The following CAMK1D variants were observed in gnomAD, a reference collection of about 807,000 sequenced individuals.
CAMK1D encodes calcium/calmodulin dependent protein kinase ID.
A neutral mutation model predicts 47.7 loss-of-function variants in CAMK1D; 9 were observed. The ratio of observed to expected loss-of-function variants is 0.19; its 90% CI spans 0.11 to 0.33. The LOEUF (loss-of-function observed/expected upper bound fraction) is 0.33, where lower values mean the gene tolerates loss of function less well. Ranked by LOEUF, CAMK1D falls within the 10% of genes least tolerant of loss-of-function variation. The pLI is 1.00. For missense variants in CAMK1D, 291 were observed against 488.7 expected (o/e 0.60, Z 3.81); for synonymous variants, 184 against 184.9 (o/e 0.99, Z 0.04).
chr10:12,827,938 C>T (rs919327633), intron 10 of CAMK1D, among the ~76,000 whole-genome samples: 14 of 152,140 alleles, frequency 9.2e-5, no homozygotes, highest in African/African-American at 3.4e-4. Context: ...CCTTGGCCTC[C>T]CAAAGTGTTG....
At chr10:12,738,490 A>G (rs1835279051) in intron 3 of CAMK1D, among the ~76,000 whole-genome samples, 1 of 152,204 alleles carries the variant, frequency 6.6e-6, no homozygotes, top group African/African-American at 2.4e-5. Context: ...TGATCTGTTC[A>G]TTTTTATTTA....
rs181051681 is a variant in CAMK1D, at chr10:12,443,648, G to C, written c.92+93738G>C. 9.5e-3 allele frequency among the ~76,000 whole-genome samples: 1,432 copies of C among 151,160 alleles called. 9 individuals carry two copies. The highest frequency in any genetic ancestry group is 0.014 in the Non-Finnish European group (960 of 67,776). ...TTATTTTATTTTTTTTTTTATTTTT[G>C]AGACGGAGTCTCGTTCTTTTGCCCA... On this transcript the variant is annotated intron_variant, in intron 1 of 10. Transcript: ENST00000619168.
At chr10:12,792,243 A>G (rs1012552082) in intron 6 of CAMK1D, among the ~76,000 whole-genome samples, 7 of 152,180 alleles carry the variant, frequency 4.6e-5, no homozygotes, top group Non-Finnish European at 8.8e-5. Flanking sequence ...AGGAAATGCA[A>G]TTCTAGGCCA....
intron 1 of CAMK1D, among the ~76,000 whole-genome samples, chr10:12,435,274 A>G (rs375320225): frequency 1.3e-5 from 2 of 151,156 alleles, no homozygotes; most frequent in South Asian, 2.1e-4. Context: ...CAGGAGGCCA[A>G]TTGCAGTCCC....
intron 1 of CAMK1D, among the ~76,000 whole-genome samples, chr10:12,441,956 C>T (rs1046859172): frequency 6.6e-6 from 1 of 152,114 alleles, no homozygotes; most frequent in African/African-American, 2.4e-5. Flanking sequence ...ATCTCTAGGA[C>T]ACAGAATGGA....
intron 3 of CAMK1D, among the ~76,000 whole-genome samples, chr10:12,717,913 A>G (rs1834220033): frequency 1.3e-5 from 2 of 151,936 alleles, no homozygotes; most frequent in Non-Finnish European, 2.9e-5. Flanking sequence ...AAAAAGAAAA[A>G]AAAAAGATGC....
intron 2 of CAMK1D, among the ~76,000 whole-genome samples, chr10:12,600,573 G>T (rs572254863): frequency 2.0e-5 from 3 of 152,318 alleles, no homozygotes; most frequent in South Asian, 2.1e-4. Context: ...GATAATGAAA[G>T]AATTTTCTCT....
At chr10:12,782,992 T>C (rs528058786) in intron 5 of CAMK1D, among the ~76,000 whole-genome samples, 1 of 94,288 alleles carries the variant, frequency 1.1e-5, no homozygotes, top group African/African-American at 3.7e-5. Context: ...TTTTTTTTTT[T>C]TTTGTTTTTT....
intron 1 of CAMK1D, among the ~76,000 whole-genome samples, chr10:12,371,605 A>C (rs1274876314): frequency 6.7e-6 from 1 of 149,806 alleles, no homozygotes; most frequent in Non-Finnish European, 1.5e-5. Flanking sequence ...AAAACAAAAA[A>C]AAACTTTTTT....
chr10:12,550,129 G>T (rs1331055933), intron 1 of CAMK1D, among the ~76,000 whole-genome samples: 1 of 152,208 alleles, frequency 6.6e-6, no homozygotes, highest in African/African-American at 2.4e-5. Flanking sequence ...GCCCTTGGCT[G>T]TGGTCACTGC....
At chr10:12,747,716 G>T (rs540187480) in intron 3 of CAMK1D, among the ~76,000 whole-genome samples, 1 of 152,114 alleles carries the variant, frequency 6.6e-6, no homozygotes, top group Non-Finnish European at 1.5e-5. Context: ...TGGAGACCCC[G>T]GAGAGCTGAT....
chr10:12,816,715 A>C (rs1037073229), intron 8 of CAMK1D, among the ~76,000 whole-genome samples: 5 of 151,410 alleles, frequency 3.3e-5, no homozygotes, highest in African/African-American at 1.2e-4. Flanking sequence ...CTAAAAATAC[A>C]AAAAAAATTA....
intron 2 of CAMK1D, among the ~76,000 whole-genome samples, chr10:12,589,697 G>T (rs1837939645): frequency 6.6e-6 from 1 of 152,118 alleles, no homozygotes; most frequent in Non-Finnish European, 1.5e-5. Flanking sequence ...TTCAGATAGG[G>T]GTGGGCAGGG....
intron 3 of CAMK1D, among the ~76,000 whole-genome samples, chr10:12,697,502 G>A (rs911985775): frequency 2.6e-5 from 4 of 152,154 alleles, no homozygotes; most frequent in Admixed American, 1.3e-4. Context: ...CAGTTCAAGC[G>A]ATTCTCCTGC....
rs1021713500 is a variant in CAMK1D, at chr10:12,583,769, T to G, written c.224+30413T>G. ...GGTGTGCACCACCATGTCTGGCTAA[T>G]TTTGTATTTTTAGTAGAGATGGGGT... On this transcript the variant is annotated intron_variant, in intron 2 of 10. Transcript: ENST00000619168. 3.3e-5 allele frequency among the ~76,000 whole-genome samples: 5 copies of G among 151,964 alleles called. 1 individual carries two copies. Among genetic ancestry groups the G allele is most frequent in the African/African-American group, 9.7e-5 (4 of 41,374 alleles).
At chr10:12,796,643 G>A (rs762243263) in intron 6 of CAMK1D, among the ~76,000 whole-genome samples, 5 of 152,024 alleles carry the variant, frequency 3.3e-5, no homozygotes, top group Admixed American at 1.3e-4. Flanking sequence ...CCGGGGGGTC[G>A]TGATGGCTGT....
At chr10:12,801,806 T>C (rs887449216) in intron 6 of CAMK1D, among the ~76,000 whole-genome samples, 2 of 152,244 alleles carry the variant, frequency 1.3e-5, no homozygotes, top group Non-Finnish European at 2.9e-5. Flanking sequence ...ACATGACATA[T>C]GTTCCAATAT....
intron 3 of CAMK1D, among the ~76,000 whole-genome samples, chr10:12,715,049 AT>A (rs1237760017): frequency 3.3e-5 from 5 of 152,090 alleles, no homozygotes; most frequent in African/African-American, 1.2e-4. Context: ...CATTAGAACT[AT>A]TCCTTCTATC....
intron 5 of CAMK1D, 114 bp downstream of exon 5, chr10:12,769,913 C>A: frequency 1.7e-6 from 2 of 1,171,340 alleles, no homozygotes; most frequent in Non-Finnish European, 2.5e-6. Context: ...GGCATGTAAT[C>A]ACAGCTGCCT....
Sources: allele counts gnomAD v4.1 joint callset (sites outside exome capture counted in the v4.1 genomes callset), GRCh38; gene constraint gnomAD v4.1.1; transcripts MANE v1.5; gene names NCBI Gene and HGNC (gene_info 2026-07-23, HGNC 2026-07-21).